Variants in THRB observed in about 807,000 individuals in gnomAD.
THRB encodes the protein thyroid hormone receptor beta.
Under a neutral mutation model 47.8 loss-of-function variants are expected in THRB, and 12 were observed. The observed-to-expected ratio is 0.25, with a 90% CI of 0.16 to 0.41. THRB has a LOEUF of 0.41. Ranked by LOEUF, THRB falls within the 10% of genes least tolerant of loss-of-function variation. The pLI, the probability that THRB is intolerant of heterozygous loss-of-function variation, is 1.00. For missense variants in THRB, 348 were observed against 589.2 expected, an observed-to-expected ratio of 0.59 and a Z score of 4.24; for synonymous variants, 218 against 212.2, an observed-to-expected ratio of 1.03 and a Z score of -0.24.
chr3:24,174,153 G>A (rs982339335), intron 5 of THRB, among the ~76,000 whole-genome samples: 1 of 152,194 alleles, frequency 6.6e-6, no homozygotes, highest in African/African-American at 2.4e-5. Context: ...AGCCGGGCAT[G>A]CATTAGGTAT....
At chr3:24,317,463 A>G (rs2058197316) in intron 2 of THRB, among the ~76,000 whole-genome samples, 1 of 152,208 alleles carries the variant, frequency 6.6e-6, no homozygotes, top group Admixed American at 6.5e-5. Flanking sequence ...CAGATCTTTT[A>G]TTAGAAATGT....
At chr3:24,256,623 G>C (rs996587898) in intron 3 of THRB, among the ~76,000 whole-genome samples, 1 of 152,106 alleles carries the variant, frequency 6.6e-6, no homozygotes, top group Non-Finnish European at 1.5e-5. Flanking sequence ...AGAGATACGT[G>C]TCTCAAGTAT....
intron 2 of THRB, among the ~76,000 whole-genome samples, chr3:24,319,529 C>T (rs570484822): frequency 1.4e-3 from 206 of 152,126 alleles, no homozygotes; most frequent in African/African-American, 4.7e-3. Context: ...CATTTATCAA[C>T]GGTGATGAAA....
intron 9 of THRB, among the ~76,000 whole-genome samples, chr3:24,131,932 G>A (rs182319847): frequency 6.6e-5 from 10 of 152,330 alleles, no homozygotes; most frequent in Admixed American, 4.6e-4. Context: ...GGAGGCAAAC[G>A]TGCTCTCTCA....
chr3:24,130,399 A>G (rs951289594), intron 9 of THRB, among the ~76,000 whole-genome samples: 13 of 152,118 alleles, frequency 8.5e-5, no homozygotes, highest in Non-Finnish European at 1.6e-4. Context: ...TTCAACTGAA[A>G]TATCTCTTCA....
intron 2 of THRB, among the ~76,000 whole-genome samples, chr3:24,331,040 A>G (rs756303265): frequency 2.0e-5 from 3 of 152,128 alleles, no homozygotes; most frequent in Non-Finnish European, 4.4e-5. Flanking sequence ...AAGAGCTATG[A>G]TCTTTTTTTG....
At chr3:24,406,751 A>G (rs2067856970) in intron 1 of THRB, among the ~76,000 whole-genome samples, 1 of 151,924 alleles carries the variant, frequency 6.6e-6, no homozygotes, top group Non-Finnish European at 1.5e-5. Context: ...GAGATTTGGT[A>G]TAAATGTACT....
At chr3:24,294,031 C>T (rs1420380884) in intron 3 of THRB, among the ~76,000 whole-genome samples, 5 of 152,234 alleles carry the variant, frequency 3.3e-5, no homozygotes, top group Non-Finnish European at 1.5e-5. Flanking sequence ...GACTCCTTCT[C>T]AATTGAGCTG....
chr3:24,280,507 G>A (rs1278000987), intron 3 of THRB, among the ~76,000 whole-genome samples: 3 of 152,134 alleles, frequency 2.0e-5, no homozygotes, highest in Non-Finnish European at 4.4e-5. Context: ...CAGAAAAACT[G>A]GAAACTCTAA....
intron 1 of THRB, among the ~76,000 whole-genome samples, chr3:24,343,219 C>T (rs577952236): frequency 1.1e-4 from 17 of 152,246 alleles, no homozygotes; most frequent in Non-Finnish European, 2.4e-4. Context: ...TTTGTTCGAG[C>T]ATTCAATTTC....
In THRB at chr3:24,122,621, A is replaced by T; in HGVS notation, c.*263T>A. The T allele has an allele frequency of 2.0e-6, 1 of 504,032 alleles. No individual in the cohort carries two copies. Among genetic ancestry groups the T allele is most frequent in the South Asian group, 2.1e-5 (1 of 48,330 alleles). The allele number at this position is 504,032 out of a possible 1,614,324, so 31.2% of individuals were successfully genotyped here. On this transcript the variant is annotated 3_prime_UTR_variant, in exon 11 of 11. Transcript: ENST00000646209. Reference sequence around the variant, plus strand: ...GAGCTGGTGATGCTTGGTGCTGGTGAGTTAATGATTGTCCCCCACCCCACC... The same window carrying T: ...GAGCTGGTGATGCTTGGTGCTGGTGTGTTAATGATTGTCCCCCACCCCACC...
At chr3:24,275,978 A>C (rs2053875505) in intron 3 of THRB, among the ~76,000 whole-genome samples, 1 of 152,042 alleles carries the variant, frequency 6.6e-6, no homozygotes, top group Non-Finnish European at 1.5e-5. Flanking sequence ...TTTCCCAGAA[A>C]CTGAAATGTC....
intron 3 of THRB, among the ~76,000 whole-genome samples, chr3:24,232,167 A>G (rs2048322825): frequency 6.6e-6 from 1 of 152,186 alleles, no homozygotes; most frequent in African/African-American, 2.4e-5. Flanking sequence ...GGGAAATGCC[A>G]TTCCATTTAG....
chr3:24,479,256 T>C (rs993830895), intron 1 of THRB, among the ~76,000 whole-genome samples: 1 of 152,170 alleles, frequency 6.6e-6, no homozygotes, highest in African/African-American at 2.4e-5. Context: ...GAGCTGAGAT[T>C]GCGCCACCGC....
chr3:24,235,655 G>A (rs2048783606), intron 3 of THRB, among the ~76,000 whole-genome samples: 1 of 152,018 alleles, frequency 6.6e-6, no homozygotes, highest in Admixed American at 6.6e-5. Context: ...AATTCTCTTG[G>A]TTCATTTTAA....
chr3:24,410,517 C>T (rs140436884), intron 1 of THRB, among the ~76,000 whole-genome samples: 24 of 151,862 alleles, frequency 1.6e-4, no homozygotes, highest in African/African-American at 5.8e-4. Context: ...TGTAAATACC[C>T]CTTTGACAAT....
intron 1 of THRB, among the ~76,000 whole-genome samples, chr3:24,433,133 A>G (rs1487401234): frequency 6.6e-6 from 1 of 152,112 alleles, no homozygotes; most frequent in Non-Finnish European, 1.5e-5. Flanking sequence ...TCTCAAAGCC[A>G]CAGTTTCTTC....
At chr3:24,316,642 G>T (rs2058132272) in intron 2 of THRB, among the ~76,000 whole-genome samples, 1 of 152,156 alleles carries the variant, frequency 6.6e-6, no homozygotes, top group Admixed American at 6.5e-5. Context: ...TCTCCAGAGG[G>T]TGGTTTATCA....
intron 1 of THRB, among the ~76,000 whole-genome samples, chr3:24,405,774 C>T (rs1265352646): frequency 1.3e-5 from 2 of 151,664 alleles, no homozygotes; most frequent in South Asian, 2.1e-4. Context: ...CTGAACGAAT[C>T]GCCCAGTAAT....
Sources: allele counts gnomAD v4.1 joint callset (sites outside exome capture counted in the v4.1 genomes callset), GRCh38; gene constraint gnomAD v4.1.1; transcripts MANE v1.5; gene names NCBI Gene and HGNC (gene_info 2026-07-23, HGNC 2026-07-21).